LRPPRC: variants seen among roughly 807,000 people sequenced by gnomAD.
LRPPRC encodes the protein leucine rich pentatricopeptide repeat containing.
LRPPRC carries 120 observed loss-of-function variants against 180.3 expected under a neutral mutation model. The observed-to-expected ratio is 0.67, with a 90% CI of 0.57 to 0.77. The LOEUF (loss-of-function observed/expected upper bound fraction) is 0.77. Ranked by LOEUF, LRPPRC falls within the 30% of genes least tolerant of loss-of-function variation. The probability of loss-of-function intolerance (pLI) is 0.00; values close to 1 mark genes in which losing one functional copy is unlikely to be tolerated. For missense variants in LRPPRC, 2,012 were observed against 1,657.2 expected, an observed-to-expected ratio of 1.21 and a Z score of -3.72; for synonymous variants, 723 against 600.0, an observed-to-expected ratio of 1.21 and a Z score of -3.00.
At chr2:43,898,762 T>A (rs751399415) in intron 34 of LRPPRC, among the ~76,000 whole-genome samples, 1 of 152,176 alleles carries the variant, frequency 6.6e-6, no homozygotes, top group Non-Finnish European at 1.5e-5. Flanking sequence ...AATGTTTGAG[T>A]ATTCAAGTGA....
Position 43,888,575 on chromosome 2 carries a change from C to T in LRPPRC, c.*25G>A. 7.0e-7 allele frequency: 1 copy of T among 1,434,572 alleles called. No individual in the cohort carries two copies. Among genetic ancestry groups the T allele is most frequent in the Non-Finnish European group, 9.8e-7 (1 of 1,017,306 alleles). 88.9% of individuals were successfully genotyped at this position (1,434,572 alleles called of 1,614,324 possible). Reference sequence around the variant, plus strand: ...GTAGACACAGAATCACAAATATATACAAAACAAAGTATCGCCTGGTTATTT... The same window carrying T: ...GTAGACACAGAATCACAAATATATATAAAACAAAGTATCGCCTGGTTATTT... On this transcript the variant is annotated 3_prime_UTR_variant, in exon 38 of 38. Transcript: ENST00000260665.
intron 31 of LRPPRC, chr2:43,904,707 C>CAAAAAAAAAAAAAAAA (rs796673288): frequency 3.7e-5 from 3 of 80,898 alleles, no homozygotes; most frequent in South Asian, 3.0e-4. Context: ...AAAACAAAAA[C>CAAAAAAAAAAAAAAAA]AAAAAAAAAA....
rs1293284325 is a variant in LRPPRC, at chr2:43,934,896, T to C, written c.2505-18A>G. 6.2e-7 allele frequency: 1 copy of C among 1,607,692 alleles called. No individual in the cohort carries two copies. Among genetic ancestry groups the C allele is most frequent in the African/African-American group, 1.3e-5 (1 of 74,846 alleles). On this transcript the variant is annotated intron_variant, in intron 23 of 37. Transcript: ENST00000260665. ...GGTCGCCCCTTAGAAACAAAAAAAT[T>C]AGCAATGAATAAAATAAATCGAATT...
At chr2:43,964,278 C>T (rs921400628) in intron 11 of LRPPRC, among the ~76,000 whole-genome samples, 1 of 152,048 alleles carries the variant, frequency 6.6e-6, no homozygotes, top group Admixed American at 6.6e-5. Context: ...ATCTCATTTC[C>T]CACTCACAAA....
chr2:43,929,622 T>C (rs1265950519), intron 25 of LRPPRC, among the ~76,000 whole-genome samples: 1 of 152,124 alleles, frequency 6.6e-6, no homozygotes, highest in African/African-American at 2.4e-5. Flanking sequence ...TACATGTAAG[T>C]GGACCTACAC....
chr2:43,919,424 G>A (rs1282867186), intron 27 of LRPPRC, among the ~76,000 whole-genome samples: 2 of 152,164 alleles, frequency 1.3e-5, no homozygotes, highest in Non-Finnish European at 2.9e-5. Flanking sequence ...GTTGAATAGA[G>A]AATTGTCTAT....
At chr2:43,946,603 T>C (rs1257909197) in intron 20 of LRPPRC, among the ~76,000 whole-genome samples, 3 of 152,084 alleles carry the variant, frequency 2.0e-5, no homozygotes, top group South Asian at 2.1e-4. Context: ...ATATGTATCA[T>C]TGAAAAGTTT....
chr2:43,898,665 C>T (rs928366215), intron 34 of LRPPRC, among the ~76,000 whole-genome samples: 4 of 152,146 alleles, frequency 2.6e-5, no homozygotes, highest in African/African-American at 9.6e-5. Flanking sequence ...GCCACAGAGA[C>T]CTGCATTTGT....
At chr2:43,915,767 T>A (rs1396451012) in intron 29 of LRPPRC, among the ~76,000 whole-genome samples, 5 of 152,186 alleles carry the variant, frequency 3.3e-5, no homozygotes. Flanking sequence ...ACATTTTACA[T>A]CAATGCCACA....
chr2:43,902,688 A>G (rs1670930573), intron 31 of LRPPRC: 1 of 152,206 alleles, frequency 6.6e-6, no homozygotes, highest in African/African-American at 2.4e-5. Flanking sequence ...ACATATAGGA[A>G]ACAAAAAATG....
intron 3 of LRPPRC, among the ~76,000 whole-genome samples, chr2:43,977,554 G>A (rs998833719): frequency 7.9e-5 from 12 of 152,124 alleles, no homozygotes; most frequent in Admixed American, 6.5e-4. Flanking sequence ...CTTCCTGTTA[G>A]AAAACGCTGA....
At chr2:43,913,456 T>C (rs1301380852) in intron 29 of LRPPRC, among the ~76,000 whole-genome samples, 1 of 152,032 alleles carries the variant, frequency 6.6e-6, no homozygotes, top group Non-Finnish European at 1.5e-5. Flanking sequence ...TGATATTATT[T>C]AATGTTCAGA....
At chr2:43,909,568 G>C (rs959227559) in intron 30 of LRPPRC, among the ~76,000 whole-genome samples, 4 of 151,348 alleles carry the variant, frequency 2.6e-5, no homozygotes, top group African/African-American at 9.7e-5. Context: ...AAATTGCTAA[G>C]AGGATAGATC....
intron 26 of LRPPRC, among the ~76,000 whole-genome samples, 158 bp from the exon 27 acceptor site, chr2:43,925,315 C>T (rs1428389646): frequency 6.6e-6 from 1 of 152,166 alleles, no homozygotes; most frequent in African/African-American, 2.4e-5. Context: ...TATGAATGAA[C>T]TTAATGCCAC....
At chr2:43,960,250 T>C (rs1232588825) in intron 13 of LRPPRC, among the ~76,000 whole-genome samples, 1 of 152,192 alleles carries the variant, frequency 6.6e-6, no homozygotes, top group East Asian at 1.9e-4. Context: ...GTTAGAAGAC[T>C]TCTTCTAAAT....
intron 13 of LRPPRC, 113 bp from the exon 14 acceptor site, chr2:43,957,564 T>C (rs1019834710): frequency 1.0e-5 from 8 of 782,390 alleles, no homozygotes; most frequent in Admixed American, 8.9e-5. Context: ...ATTTTGGAAA[T>C]TGTATTTAAA....
Position 43,925,957 on chromosome 2 carries a change from G to T in LRPPRC, c.2741C>A (p.Pro914Gln), listed in dbSNP as rs1463658772. Residue 914 changes from proline (P) to glutamine (Q), a missense_variant, in exon 26 of 38, where the codon CCA becomes CAA. Pro to Gln is a moderately conservative substitution (Grantham distance 76, BLOSUM62 -1). Coordinates refer to ENST00000260665, the MANE Select transcript of LRPPRC (RefSeq NM_133259.4). The part of the protein sequence containing the change: ...YKEAKKIIET[P>Q]GIRARSARLQ... Reference sequence around the variant, plus strand: ...CCTTGCAGATCGAGCTCTAATCCCTGGAGTCTGTAAAATAAAATAATCACA... The same window carrying T: ...CCTTGCAGATCGAGCTCTAATCCCTTGAGTCTGTAAAATAAAATAATCACA... The T allele has an allele frequency of 1.4e-5, 22 of 1,600,308 alleles. No homozygotes were observed. In the East Asian group the frequency reaches 4.9e-4, roughly 36 times the overall value.
rs909076813 is a variant in LRPPRC at position 43,888,307 on chromosome 2, G to C, written c.*293C>G. On this transcript the variant is annotated 3_prime_UTR_variant, in exon 38 of 38. Coordinates refer to ENST00000260665, the MANE Select transcript of LRPPRC (RefSeq NM_133259.4). ...GGAATAACATTTTAATGAAATAAAT[G>C]AAACAGAGCAGGGAAACCAAAGAGC... The C allele has an allele frequency of 6.2e-6, 2 of 322,830 alleles. No homozygotes were observed. The highest frequency in any genetic ancestry group is 2.1e-5 in the African/African-American group (1 of 46,580). 20.0% of individuals were successfully genotyped at this position (322,830 alleles called of 1,614,324 possible).
chr2:43,972,149 T>C (rs1039165599), intron 11 of LRPPRC, among the ~76,000 whole-genome samples: 1 of 152,190 alleles, frequency 6.6e-6, no homozygotes, highest in African/African-American at 2.4e-5. Flanking sequence ...AAACCCTCTA[T>C]TCTAATCCCA....
Sources: gnomAD v4.1 joint callset for allele counts (sites outside exome capture counted in the v4.1 genomes callset) on GRCh38, gnomAD v4.1.1 for gene constraint, MANE v1.5 for transcripts, NCBI Gene and HGNC (gene_info 2026-07-23, HGNC 2026-07-21) for gene names.